PTPRT: variants seen among roughly 807,000 people sequenced by gnomAD.
PTPRT encodes the protein receptor-type tyrosine-protein phosphatase T.
Under a neutral mutation model 176.8 loss-of-function variants are expected in PTPRT, and 56 were observed. The ratio of observed to expected loss-of-function variants is 0.32; its 90% CI spans 0.26 to 0.40. The LOEUF (loss-of-function observed/expected upper bound fraction) is 0.40. PTPRT is among the 10% of genes least tolerant of loss of function. PTPRT has a pLI of 1.00. For missense variants in PTPRT, 1,540 were observed against 1,908.2 expected (o/e 0.81, Z 3.60); for synonymous variants, 783 against 739.0 (o/e 1.06, Z -0.96).
chr20:42,367,773 A>G (rs1428455731), intron 9 of PTPRT, among the ~76,000 whole-genome samples: 9 of 151,980 alleles, frequency 5.9e-5, no homozygotes, highest in African/African-American at 2.2e-4. Context: ...AGGAGAGGAG[A>G]GTGGGAGATG....
intron 7 of PTPRT, among the ~76,000 whole-genome samples, chr20:42,572,184 C>T (rs1326701531): frequency 2.0e-5 from 3 of 152,094 alleles, no homozygotes; most frequent in East Asian, 1.9e-4. Flanking sequence ...GCACTAATCC[C>T]GTTCATGGGG....
At chr20:42,751,638 G>T (rs926829242) in intron 6 of PTPRT, among the ~76,000 whole-genome samples, 39 of 152,188 alleles carry the variant, frequency 2.6e-4, no homozygotes, top group Admixed American at 9.8e-4. Flanking sequence ...AAAGCCGGCA[G>T]AAGAAGGTGA....
intron 1 of PTPRT, among the ~76,000 whole-genome samples, chr20:42,917,741 C>T (rs1978869825): frequency 6.6e-6 from 1 of 152,054 alleles, no homozygotes; most frequent in African/African-American, 2.4e-5. Flanking sequence ...CCCCATTTTA[C>T]TGATAAAAAA....
chr20:43,123,443 G>C (rs1336745918), intron 1 of PTPRT, among the ~76,000 whole-genome samples: 1 of 152,136 alleles, frequency 6.6e-6, no homozygotes, highest in African/African-American at 2.4e-5. Flanking sequence ...TGAGCCATAA[G>C]ATACAAGCAG....
chr20:43,044,760 C>A (rs1025047311), intron 1 of PTPRT, among the ~76,000 whole-genome samples: 5 of 152,180 alleles, frequency 3.3e-5, no homozygotes, highest in African/African-American at 1.2e-4. Flanking sequence ...AGTAGACAGC[C>A]AGTGTAGTGC....
At chr20:42,622,153 T>C (rs1050918589) in intron 7 of PTPRT, among the ~76,000 whole-genome samples, 1 of 152,214 alleles carries the variant, frequency 6.6e-6, no homozygotes, top group Non-Finnish European at 1.5e-5. Context: ...TGTCCTGGCA[T>C]ATGGAGACTG....
chr20:42,091,802 AG>A (rs1353915212), intron 27 of PTPRT, among the ~76,000 whole-genome samples: 1 of 152,122 alleles, frequency 6.6e-6, no homozygotes, highest in African/African-American at 2.4e-5. Context: ...AGAGGGAGAG[AG>A]AGGGGGGAGA....
intron 7 of PTPRT, among the ~76,000 whole-genome samples, chr20:42,551,333 T>A (rs2072766664): frequency 6.6e-6 from 1 of 152,170 alleles, no homozygotes; most frequent in East Asian, 1.9e-4. Flanking sequence ...GAAATAGTCA[T>A]CAGGCACACA....
intron 1 of PTPRT, among the ~76,000 whole-genome samples, chr20:42,973,434 C>T (rs962932802): frequency 2.0e-5 from 3 of 150,808 alleles, no homozygotes; most frequent in African/African-American, 7.3e-5. Context: ...TTTATCCCAT[C>T]CTCTCTCTCT....
At chr20:42,323,067 C>A (rs1159005295) in intron 11 of PTPRT, among the ~76,000 whole-genome samples, 1 of 151,920 alleles carries the variant, frequency 6.6e-6, no homozygotes, top group Non-Finnish European at 1.5e-5. Flanking sequence ...GAGATACCAT[C>A]TCACACCAGT....
At chr20:42,961,941 G>A (rs189453008) in intron 1 of PTPRT, among the ~76,000 whole-genome samples, 16 of 152,276 alleles carry the variant, frequency 1.1e-4, no homozygotes, top group Non-Finnish European at 2.2e-4. Flanking sequence ...GCAAGGCCAT[G>A]AGCCCAGGAA....
chr20:42,845,570 T>A (rs2078355622), intron 2 of PTPRT, among the ~76,000 whole-genome samples: 2 of 152,144 alleles, frequency 1.3e-5, no homozygotes, highest in South Asian at 4.1e-4. Flanking sequence ...ACTCTCCTTG[T>A]TGAGAGGGCA....
chr20:42,535,493 T>C (rs780044272), intron 7 of PTPRT, among the ~76,000 whole-genome samples: 15 of 152,256 alleles, frequency 9.9e-5, no homozygotes, highest in Admixed American at 7.8e-4. Context: ...AAAATACATA[T>C]GATGTAAGTT....
At chr20:42,796,756 T>G (rs2077460993) in intron 2 of PTPRT, among the ~76,000 whole-genome samples, 1 of 152,192 alleles carries the variant, frequency 6.6e-6, no homozygotes, top group Non-Finnish European at 1.5e-5. Context: ...GACAGGCAGT[T>G]CAACAACTGT....
intron 14 of PTPRT, among the ~76,000 whole-genome samples, chr20:42,246,040 C>G (rs1157031458): frequency 1.3e-5 from 2 of 152,148 alleles, no homozygotes; most frequent in Non-Finnish European, 2.9e-5. Context: ...GAGCCTGCTA[C>G]TTGGAAGTTT....
chr20:42,907,938 G>A (rs1368809491), intron 1 of PTPRT, among the ~76,000 whole-genome samples: 1 of 152,092 alleles, frequency 6.6e-6, no homozygotes, highest in Non-Finnish European at 1.5e-5. Flanking sequence ...TCCAGGGGCT[G>A]ACACACCCTG....
Position 42,637,872 on chromosome 20 carries a change from T to C in PTPRT, c.1153+39994A>G, listed in dbSNP as rs114355967. On this transcript the variant is annotated intron_variant, in intron 7 of 30. Transcript: ENST00000373187. Reference sequence around the variant, plus strand: ...CTCCAAACTGACAAAGCTAAGAGGGTAAAGGTCTGAGATTTAAAAATCAAA... The same window carrying C: ...CTCCAAACTGACAAAGCTAAGAGGGCAAAGGTCTGAGATTTAAAAATCAAA... Among the ~76,000 whole-genome samples the C allele has an allele frequency of 2.5e-3, 385 of 152,128 alleles. 4 individuals carry two copies. Among genetic ancestry groups the C allele is most frequent in the African/African-American group, 8.8e-3 (366 of 41,472 alleles).
At chr20:43,142,372 G>A (rs1283357369) in intron 1 of PTPRT, among the ~76,000 whole-genome samples, 4 of 152,212 alleles carry the variant, frequency 2.6e-5, no homozygotes. Context: ...AGTTGAAGAT[G>A]GCAGAACTGC....
At chr20:42,318,586 G>C (rs770386775) in intron 11 of PTPRT, among the ~76,000 whole-genome samples, 4 of 152,126 alleles carry the variant, frequency 2.6e-5, no homozygotes, top group Non-Finnish European at 5.9e-5. Context: ...TTGGATTTGG[G>C]AGCATGCAAC....
Sources: gnomAD v4.1 joint callset for allele counts (sites outside exome capture counted in the v4.1 genomes callset) on GRCh38, gnomAD v4.1.1 for gene constraint, MANE v1.5 for transcripts, NCBI Gene and HGNC (gene_info 2026-07-23, HGNC 2026-07-21) for gene names.